Variants in EGLN1 observed in about 807,000 individuals in gnomAD.
EGLN1 encodes the protein egl nine homolog 1.
EGLN1 carries 17 observed loss-of-function variants against 38.3 expected under a neutral mutation model. The ratio of observed to expected loss-of-function variants is 0.44; its 90% CI spans 0.30 to 0.67. EGLN1 has a LOEUF of 0.67. Among genes scored for constraint, EGLN1 ranks in the 30% least tolerant of loss-of-function variants. The pLI, the probability that EGLN1 is intolerant of heterozygous loss-of-function variation, is 0.08. For missense variants in EGLN1, 477 were observed against 603.3 expected (o/e 0.79, Z 2.19); for synonymous variants, 283 against 257.5 (o/e 1.10, Z -0.95).
In EGLN1 at chr1:231,409,718, ATTG is replaced by A. The variant is rs532688596; in HGVS notation, c.891+11277_891+11279del. 9.5e-4 allele frequency among the ~76,000 whole-genome samples: 145 copies of A among 152,312 alleles called. 1 individual carries two copies. The highest frequency in any genetic ancestry group is 3.2e-3 in the Admixed American group (49 of 15,308). On this transcript the variant is annotated intron_variant, in intron 1 of 4. Transcript: ENST00000366641. ...ACAAATCCTAATAGCTGAAGTCATGATTGTTGTTATTACTATTATTTGTTACAG... is the reference window on the plus strand; with the variant it reads ...ACAAATCCTAATAGCTGAAGTCATGATTGTTATTACTATTATTTGTTACAG...
At chr1:231,402,755 G>A (rs1417080611) in intron 1 of EGLN1, among the ~76,000 whole-genome samples, 1 of 151,810 alleles carries the variant, frequency 6.6e-6, no homozygotes, top group Non-Finnish European at 1.5e-5. Context: ...ATTTAGGTCA[G>A]TGATCCATTT....
At chr1:231,370,738 A>C in intron 2 of EGLN1, 40 bp from the exon 3 acceptor site, 1 of 1,611,438 alleles carries the variant, frequency 6.2e-7, no homozygotes, top group Non-Finnish European at 8.5e-7. Flanking sequence ...AGTAACCAAA[A>C]ATGCTACAAG....
At chr1:231,384,690 T>TA (rs1369394656) in intron 1 of EGLN1, among the ~76,000 whole-genome samples, 1 of 152,170 alleles carries the variant, frequency 6.6e-6, no homozygotes, top group African/African-American at 2.4e-5. Context: ...TAGAGAACAC[T>TA]ATAAAGATTA....
chr1:231,379,029 C>T (rs1329359168), intron 1 of EGLN1, among the ~76,000 whole-genome samples: 1 of 152,114 alleles, frequency 6.6e-6, no homozygotes, highest in Non-Finnish European at 1.5e-5. Flanking sequence ...CACAATTTCT[C>T]CCCCCATTTT....
rs1687600751 is a variant in EGLN1 at position 231,364,931 on chromosome 1, C to T, written c.*1480G>A. The T allele has an allele frequency of 6.6e-6, 1 of 152,076 alleles. No individual in the cohort carries two copies. The highest frequency in any genetic ancestry group is 1.5e-5 in the Non-Finnish European group (1 of 68,018). 9.4% of individuals were successfully genotyped at this position (152,076 alleles called of 1,614,324 possible). A position where few individuals can be genotyped will look rare whatever the true frequency, so the allele number is the denominator to read the frequency against. On this transcript the variant is annotated 3_prime_UTR_variant, in exon 5 of 5. Transcript: ENST00000366641. The stretch of plus-strand genomic sequence containing the variant: ...TCTTTAAATAACATGTATGTGAGGC[C>T]TTGTGTGATTTTCTAATATTCCTTC...
chr1:231,382,769 C>T (rs1361794320), intron 1 of EGLN1, among the ~76,000 whole-genome samples: 1 of 152,142 alleles, frequency 6.6e-6, no homozygotes. Flanking sequence ...ATAAAAGGTG[C>T]TTGGCAGGCC....
intron 1 of EGLN1, among the ~76,000 whole-genome samples, chr1:231,409,878 T>C (rs1312808975): frequency 6.6e-6 from 1 of 150,778 alleles, no homozygotes; most frequent in African/African-American, 2.5e-5. Flanking sequence ...ATTAATGCTT[T>C]AGGTTAGAAA....
chr1:231,395,067 G>A (rs542443496), intron 1 of EGLN1, among the ~76,000 whole-genome samples: 1 of 152,192 alleles, frequency 6.6e-6, no homozygotes, highest in African/African-American at 2.4e-5. Flanking sequence ...GTGTTGGTTT[G>A]GGAGCAATAT....
chr1:231,405,459 G>A (rs1007277626), intron 1 of EGLN1, among the ~76,000 whole-genome samples: 2 of 152,036 alleles, frequency 1.3e-5, no homozygotes, highest in Non-Finnish European at 2.9e-5. Flanking sequence ...TTACAGGTGT[G>A]AGCCACCATG....
chr1:231,416,531 C>T lies in EGLN1; in HGVS notation c.891+4467G>A, dbSNP rs191023726. 2.3e-3 allele frequency among the ~76,000 whole-genome samples: 349 copies of T among 151,308 alleles called. 2 individuals carry two copies. The highest frequency in any genetic ancestry group is 8.0e-3 in the African/African-American group (331 of 41,148). ...CATGGGCTCGCACCACCATGCCTGG[C>T]TAATTTTTTAATTTTTTTAGAGACA... On this transcript the variant is annotated intron_variant, in intron 1 of 4. Transcript: ENST00000366641.
intron 1 of EGLN1, among the ~76,000 whole-genome samples, chr1:231,401,605 T>G (rs990610714): frequency 6.6e-6 from 1 of 152,168 alleles, no homozygotes; most frequent in African/African-American, 2.4e-5. Flanking sequence ...TGTTACAATT[T>G]TTAACTCAGC....
At position 231,421,898 on chromosome 1, in the gene EGLN1, GGCGGCGGCGACGGCGACT is replaced by G. The variant is rs774050789; in HGVS notation, c.-28_-11del. 4 of 1,413,768 alleles carry G rather than the reference GGCGGCGGCGACGGCGACT, an allele frequency of 2.8e-6. No individual in the cohort carries two copies. Among genetic ancestry groups the G allele is most frequent in the Non-Finnish European group, 3.7e-6 (4 of 1,093,802 alleles). 87.6% of individuals were successfully genotyped at this position (1,413,768 alleles called of 1,614,324 possible). A position where few individuals can be genotyped will look rare whatever the true frequency, so the allele number is the denominator to read the frequency against. On this transcript the variant is annotated 5_prime_UTR_variant, in exon 1 of 5. Transcript: ENST00000366641. The surrounding 1 kb of genome is among the most constrained non-coding windows in gnomAD (Gnocchi z 5.5). ...CGCTGTCATTGGCCATGGCGGCGGC[GGCGGCGGCGACGGCGACT>G]GCGGCGGCCGAGCAGGAGGGGTAGC...
chr1:231,383,679 C>A (rs1353564576), intron 1 of EGLN1, among the ~76,000 whole-genome samples: 1 of 152,132 alleles, frequency 6.6e-6, no homozygotes, highest in Non-Finnish European at 1.5e-5. Context: ...TGGGGCAGGA[C>A]AGACAGGCAG....
intron 1 of EGLN1, among the ~76,000 whole-genome samples, chr1:231,409,840 T>A (rs1379961642): frequency 1.3e-5 from 2 of 152,224 alleles, no homozygotes; most frequent in Non-Finnish European, 2.9e-5. Flanking sequence ...TAAGTACTGT[T>A]ATTAACTCCT....
intron 3 of EGLN1, among the ~76,000 whole-genome samples, chr1:231,367,926 G>C (rs1687697673): frequency 6.6e-6 from 1 of 152,198 alleles, no homozygotes; most frequent in African/African-American, 2.4e-5. Context: ...GCTCACGCCT[G>C]TAATCCCAGC....
In EGLN1 at chr1:231,421,613, C is replaced by A; in HGVS notation, c.276G>T (p.Glu92Asp). The change falls in exon 1 of 5, where the codon GAG (glutamate) becomes GAT (aspartate). Residue 92 changes from glutamate (E) to aspartate (D), a missense_variant. By Grantham distance (45) the Glu-to-Asp change is conservative. Transcript: ENST00000366641. This position sits in a 1 kb window ranked among gnomAD's most constrained non-coding sequence, Gnocchi z 5.5. ...AVPPPRAGAREPRKAAARRDN... is the reference protein window; with the variant it reads ...AVPPPRAGARDPRKAAARRDN... The stretch of plus-strand genomic sequence containing the variant: ...CCCGGCGCGCCGCTGCCTTCCTGGG[C>A]TCCCGGGCCCCGGCCCTGGGCGGCG... The A allele has an allele frequency of 7.4e-7, 1 of 1,350,090 alleles. No homozygotes were observed. Among genetic ancestry groups the A allele is most frequent in the South Asian group, 1.9e-5 (1 of 51,698 alleles). The allele number at this position is 1,350,090 out of a possible 1,614,324, so 83.6% of individuals were successfully genotyped here. A position where few individuals can be genotyped will look rare whatever the true frequency, so the allele number is the denominator to read the frequency against.
In EGLN1 at chr1:231,421,011, T is replaced by C. The variant is rs1656572689; in HGVS notation, c.878A>G (p.Asn293Ser). The part of the protein sequence containing the change: ...CNGKLGSYKI[N>S]GRTKAMVACY... Reference sequence around the variant, plus strand: ...GCACACACTTACTTTCGTCCGGCCATTGATTTTGTAGCTGCCCAGCTTCCC... The same window carrying C: ...GCACACACTTACTTTCGTCCGGCCACTGATTTTGTAGCTGCCCAGCTTCCC... The change falls in exon 1 of 5, where the codon AAT (asparagine) becomes AGT (serine). Residue 293 changes from asparagine (N) to serine (S), a missense_variant. By Grantham distance (46) the Asn-to-Ser change is conservative (BLOSUM62 1). Transcript: ENST00000366641. This position sits in a 1 kb window ranked among gnomAD's most constrained non-coding sequence, Gnocchi z 5.5. 3.1e-6 allele frequency: 5 copies of C among 1,613,678 alleles called. No homozygotes were observed. The highest frequency in any genetic ancestry group is 1.7e-5 in the Admixed American group (1 of 59,978).
intron 1 of EGLN1, among the ~76,000 whole-genome samples, chr1:231,392,581 C>G (rs945095034): frequency 6.6e-6 from 1 of 152,086 alleles, no homozygotes; most frequent in Admixed American, 6.5e-5. Context: ...AGCTGTCCAG[C>G]CTGAATTCAA....
At chr1:231,417,221 AC>A (rs1277589856) in intron 1 of EGLN1, among the ~76,000 whole-genome samples, 3 of 146,274 alleles carry the variant, frequency 2.1e-5, no homozygotes, top group Admixed American at 2.0e-4. Context: ...GCCAGACCTA[AC>A]TAATTAACTA....
Sources: gnomAD v4.1 joint callset for allele counts (sites outside exome capture counted in the v4.1 genomes callset) on GRCh38, gnomAD v4.1.1 for gene constraint, Gnocchi (gnomAD v3.1) non-coding constraint, MANE v1.5 for transcripts, NCBI Gene and HGNC (gene_info 2026-07-23, HGNC 2026-07-21) for gene names.